Variants in ANGPTL3 observed in about 807,000 individuals in gnomAD.
ANGPTL3 encodes the protein angiopoietin like 3.
ANGPTL3 carries 51 observed loss-of-function variants against 52.7 expected under a neutral mutation model. The ratio of observed to expected loss-of-function variants is 0.97; its 90% CI spans 0.77 to 1.22. The LOEUF is 1.22. Ranked by LOEUF, ANGPTL3 falls within the 50% of genes most tolerant of loss-of-function variation. ANGPTL3 has a pLI of 0.00. For synonymous variants in ANGPTL3, 185 were observed against 179.8 expected, an observed-to-expected ratio of 1.03 and a Z score of -0.23; for missense variants, 506 against 520.7, an observed-to-expected ratio of 0.97 and a Z score of 0.27.
At position 62,604,776 on chromosome 1, in the gene ANGPTL3, A is replaced by G; in HGVS notation, c.1342A>G (p.Lys448Glu). Residue 448 changes from lysine (K) to glutamate (E), a missense_variant, in exon 7 of 7, where the codon AAA (lysine) becomes GAA (glutamate). Transcript: ENST00000371129. ...NGRLYSIKSTKMLIHPTDSES... is the reference protein window; with the variant it reads ...NGRLYSIKSTEMLIHPTDSES... ...AAGGTTATACTCTATAAAATCAACCAAAATGTTGATCCATCCAACAGATTC... is the reference window on the plus strand; with the variant it reads ...AAGGTTATACTCTATAAAATCAACCGAAATGTTGATCCATCCAACAGATTC... 3 of 1,613,118 alleles carry G rather than the reference A, an allele frequency of 1.9e-6. No individual in the cohort carries two copies. The highest frequency in any genetic ancestry group is 2.5e-6 in the Non-Finnish European group (3 of 1,179,324).
intron 1 of ANGPTL3, 118 bp downstream of exon 1, chr1:62,598,179 C>G (rs1481645813): frequency 7.0e-6 from 7 of 1,000,024 alleles, no homozygotes; most frequent in Non-Finnish European, 9.6e-6. Flanking sequence ...ACTTTTTTTT[C>G]CAAGAAAAAT....
At position 62,606,087 on chromosome 1, in the gene ANGPTL3, G is replaced by A. The variant is rs868497040; in HGVS notation, c.*1270G>A. The A allele has an allele frequency of 5.9e-5, 9 of 151,722 alleles. No individual in the cohort carries two copies. The highest frequency in any genetic ancestry group is 5.3e-4 in the Admixed American group (8 of 15,224). 9.4% of individuals were successfully genotyped at this position (151,722 alleles called of 1,614,324 possible). A position where few individuals can be genotyped will look rare whatever the true frequency, so the allele number is the denominator to read the frequency against. On this transcript the variant is annotated 3_prime_UTR_variant, in exon 7 of 7. Coordinates refer to ENST00000371129, the MANE Select transcript of ANGPTL3 (RefSeq NM_014495.4). ...TGTCACATATATAAAAGATATGTAT[G>A]ATCTATGTGAATCCTAAGTAAATAT...
At chr1:62,604,525 A>C in intron 6 of ANGPTL3, 108 bp from the exon 7 acceptor site, 1 of 1,210,712 alleles carries the variant, frequency 8.3e-7, no homozygotes, top group Non-Finnish European at 1.2e-6. Flanking sequence ...ACATGCATCT[A>C]AAACACTGTA....
chr1:62,600,876 T>C (rs1650012839), intron 2 of ANGPTL3, among the ~76,000 whole-genome samples: 1 of 151,804 alleles, frequency 6.6e-6, no homozygotes, highest in Non-Finnish European at 1.5e-5. Flanking sequence ...GCTTTATTTT[T>C]TTATCTTATT....
chr1:62,600,346 A>G (rs1649925023), intron 2 of ANGPTL3, among the ~76,000 whole-genome samples: 1 of 151,862 alleles, frequency 6.6e-6, no homozygotes, highest in South Asian at 2.1e-4. Flanking sequence ...ACTTAGTAGA[A>G]AAGAGTAATA....
chr1:62,599,187 A>T (rs779748936), intron 2 of ANGPTL3, among the ~76,000 whole-genome samples: 18 of 152,212 alleles, frequency 1.2e-4, no homozygotes, highest in Non-Finnish European at 2.6e-4. Context: ...TTTCACTCAT[A>T]TTGGCTCTTT....
In ANGPTL3 at chr1:62,606,228, C is replaced by T. The variant is rs763886336; in HGVS notation, c.*1411C>T. The stretch of plus-strand genomic sequence containing the variant: ...TTTTAGGGCCAGAATACCAAAATGG[C>T]TCCTCTCTTCCCCCAAAATTGGACA... On this transcript the variant is annotated 3_prime_UTR_variant, in exon 7 of 7. Transcript: ENST00000371129. 7.9e-5 allele frequency: 12 copies of T among 151,470 alleles called. No individual in the cohort carries two copies. Among genetic ancestry groups the T allele is most frequent in the African/African-American group, 1.2e-4 (5 of 41,232 alleles). 9.4% of individuals were successfully genotyped at this position (151,470 alleles called of 1,614,324 possible). A position where few individuals can be genotyped will look rare whatever the true frequency, so the allele number is the denominator to read the frequency against.
At chr1:62,598,470 TAATTG>T (rs1296543050) in intron 1 of ANGPTL3, among the ~76,000 whole-genome samples, 1 of 152,084 alleles carries the variant, frequency 6.6e-6, no homozygotes, top group African/African-American at 2.4e-5. Context: ...CTTTTTCTTT[TAATTG>T]AAGTTCAGAA....
intron 2 of ANGPTL3, among the ~76,000 whole-genome samples, chr1:62,600,373 T>C (rs952086644): frequency 6.6e-6 from 1 of 151,832 alleles, no homozygotes; most frequent in Non-Finnish European, 1.5e-5. Context: ...AAGCAAACTT[T>C]ACAATAGATC....
chr1:62,603,027 T>C (rs1474102443), intron 5 of ANGPTL3, among the ~76,000 whole-genome samples: 1 of 151,792 alleles, frequency 6.6e-6, no homozygotes, highest in Non-Finnish European at 1.5e-5. Context: ...TTCATTATTA[T>C]ATCAAATTTT....
rs564671457 is a variant in ANGPTL3, at chr1:62,606,267, A to C, written c.*1450A>C. 2.0e-5 allele frequency: 3 copies of C among 152,088 alleles called. No homozygotes were observed. The highest frequency in any genetic ancestry group is 7.2e-5 in the African/African-American group (3 of 41,500). The allele number at this position is 152,088 out of a possible 1,614,324, so 9.4% of individuals were successfully genotyped here. A position where few individuals can be genotyped will look rare whatever the true frequency, so the allele number is the denominator to read the frequency against. ...CAAAATTGGACAATTTCAAATGCAA[A>C]ATAATTCATTATTTAATATATGAGT... On this transcript the variant is annotated 3_prime_UTR_variant, in exon 7 of 7. Transcript: ENST00000371129.
Position 62,604,976 on chromosome 1 carries a change from A to T in ANGPTL3, c.*159A>T. 1 of 681,260 alleles carries T rather than the reference A, an allele frequency of 1.5e-6. No individual in the cohort carries two copies. The highest frequency in any genetic ancestry group is 2.0e-5 in the South Asian group (1 of 50,206). The allele number at this position is 681,260 out of a possible 1,614,324, so 42.2% of individuals were successfully genotyped here. ...TTTAAGATTAAACATACAATCACAT[A>T]ACCTTAAAGAATACCGTTTACATTT... is the stretch of plus-strand genomic sequence containing the variant. On this transcript the variant is annotated 3_prime_UTR_variant, in exon 7 of 7. Transcript: ENST00000371129.
intron 1 of ANGPTL3, among the ~76,000 whole-genome samples, chr1:62,598,473 T>C (rs1476658387): frequency 6.6e-6 from 1 of 152,050 alleles, no homozygotes; most frequent in South Asian, 2.1e-4. Flanking sequence ...TTTCTTTTAA[T>C]TGAAGTTCAG....
intron 2 of ANGPTL3, among the ~76,000 whole-genome samples, chr1:62,600,773 A>T (rs566430516): frequency 1.9e-4 from 29 of 151,976 alleles, no homozygotes; most frequent in African/African-American, 7.0e-4. Context: ...TTTTATTCAT[A>T]TAAATAAAAG....
intron 2 of ANGPTL3, among the ~76,000 whole-genome samples, chr1:62,600,418 C>A (rs1258294686): frequency 6.6e-6 from 1 of 151,682 alleles, no homozygotes; most frequent in African/African-American, 2.4e-5. Context: ...ATCATTCATG[C>A]CAGCATCAAA....
chr1:62,605,116 T>G lies in ANGPTL3; in HGVS notation c.*299T>G. On this transcript the variant is annotated 3_prime_UTR_variant, in exon 7 of 7. Transcript: ENST00000371129. ...AGGTGAACTTATTAAATAACTTTTC[T>G]AAATAAAAAATTTAGAGACTTTTAT... The G allele has an allele frequency of 4.0e-6, 1 of 250,480 alleles. No individual in the cohort carries two copies. The highest frequency in any genetic ancestry group is 6.0e-5 in the South Asian group (1 of 16,580). 15.5% of individuals were successfully genotyped at this position (250,480 alleles called of 1,614,324 possible).
At position 62,601,197 on chromosome 1, in the gene ANGPTL3, G is replaced by A. The variant is rs1329367068; in HGVS notation, c.721+1G>A. 6.3e-7 allele frequency: 1 copy of A among 1,576,768 alleles called. No individual in the cohort carries two copies. Among genetic ancestry groups the A allele is most frequent in the South Asian group, 1.1e-5 (1 of 90,242 alleles). On this transcript the variant is annotated splice_donor_variant, in intron 3 of 6. Coordinates refer to ENST00000371129, the MANE Select transcript of ANGPTL3 (RefSeq NM_014495.4). LOFTEE classifies it high-confidence loss of function. The stretch of plus-strand genomic sequence containing the variant: ...GAAATAAGAAATGTAAAACATGATG[G>A]TAAGACACTTTGGTGGGTTTCCTTC...
chr1:62,599,145 C>A (rs1304027980), intron 2 of ANGPTL3, among the ~76,000 whole-genome samples: 1 of 152,068 alleles, frequency 6.6e-6, no homozygotes, highest in Admixed American at 6.6e-5. Flanking sequence ...GATCATGTTT[C>A]TCTTTGCTCA....
Position 62,604,717 on chromosome 1 carries a change from G to T in ANGPTL3, c.1283G>T (p.Arg428Met). The T allele has an allele frequency of 6.2e-7, 1 of 1,613,122 alleles. No individual in the cohort carries two copies. The highest frequency in any genetic ancestry group is 8.5e-7 in the Non-Finnish European group (1 of 1,179,398). Residue 428 changes from arginine (R) to methionine (M), a missense_variant, in exon 7 of 7, where the codon AGG (arginine) becomes ATG (methionine). Transcript: ENST00000371129. ...NKPRAKSKPE[R>M]RRGLSWKSQN... ...CCAAGAGCAAAATCTAAGCCAGAGA[G>T]GAGAAGAGGATTATCTTGGAAGTCT... is the stretch of plus-strand genomic sequence containing the variant.
Sources: gnomAD v4.1 joint callset for allele counts (sites outside exome capture counted in the v4.1 genomes callset) on GRCh38, gnomAD v4.1.1 for gene constraint, MANE v1.5 for transcripts, NCBI Gene and HGNC (gene_info 2026-07-23, HGNC 2026-07-21) for gene names.